MAPRE2: variants seen among roughly 807,000 people sequenced by gnomAD.
MAPRE2 encodes microtubule associated protein RP/EB family member 2, also known as microtubule-associated protein RP/EB family member 2.
MAPRE2 carries 13 observed loss-of-function variants against 43.2 expected under a neutral mutation model. That is an observed-to-expected ratio of 0.30 (90% CI 0.20 to 0.48). MAPRE2 has a LOEUF of 0.48. Among genes scored for constraint, MAPRE2 ranks in the 20% least tolerant of loss-of-function variants. The probability of loss-of-function intolerance (pLI) is 0.99; values close to 1 mark genes in which losing one functional copy is unlikely to be tolerated. For missense variants in MAPRE2, 161 were observed against 400.2 expected (o/e 0.40, Z 5.10); for synonymous variants, 135 against 148.8 (o/e 0.91, Z 0.68).
In MAPRE2 at chr18:35,097,505, G is replaced by A; in HGVS notation, c.310G>A (p.Val104Ile). ...CCCTGGCTGCATTAGTTTGAAGAAA[G>A]TAAAATTTCAAGCAAAGCTGGAACA... ...LFPGCISLKK[V>I]KFQAKLEHEY... Residue 104 changes from valine to isoleucine, a missense_variant, in exon 3 of 7, where the codon GTA becomes ATA. Physicochemically the swap from Val to Ile is conservative, Grantham distance 29. Coordinates refer to ENST00000300249, the MANE Select transcript of MAPRE2 (RefSeq NM_014268.4). 6.2e-7 allele frequency: 1 copy of A among 1,613,898 alleles called. No homozygotes were observed. Among genetic ancestry groups the A allele is most frequent in the Middle Eastern group, 1.7e-4 (1 of 6,058 alleles).
chr18:35,093,921 A>G (rs1198042106), intron 2 of MAPRE2, among the ~76,000 whole-genome samples: 1 of 152,224 alleles, frequency 6.6e-6, no homozygotes, highest in Non-Finnish European at 1.5e-5. Context: ...CTCAAATCCC[A>G]GGAGTGTACC....
At chr18:35,026,760 T>C (rs1449561164) in intron 2 of MAPRE2, among the ~76,000 whole-genome samples, 1 of 152,040 alleles carries the variant, frequency 6.6e-6, no homozygotes, top group Non-Finnish European at 1.5e-5. Context: ...ATCCCTCAGT[T>C]TCCAGATATA....
intron 1 of MAPRE2, among the ~76,000 whole-genome samples, chr18:34,980,031 CTTT>C (rs796434537): frequency 0.011 from 491 of 45,936 alleles, no homozygotes; most frequent in African/African-American, 0.03. Flanking sequence ...TTCTTTTTTT[CTTT>C]TTTTTTTTTT....
At chr18:35,010,650 G>C (rs2097034114) in intron 2 of MAPRE2, among the ~76,000 whole-genome samples, 1 of 152,158 alleles carries the variant, frequency 6.6e-6, no homozygotes, top group Admixed American at 6.5e-5. Flanking sequence ...TTTATAAACT[G>C]TGGTGCAGAG....
chr18:35,111,216 C>A (rs1410434565), intron 4 of MAPRE2, among the ~76,000 whole-genome samples: 1 of 152,150 alleles, frequency 6.6e-6, no homozygotes, highest in African/African-American at 2.4e-5. Flanking sequence ...CTGTCATCTT[C>A]ATTCTACTGT....
chr18:34,980,322 C>A (rs1025813390), intron 1 of MAPRE2, among the ~76,000 whole-genome samples: 19 of 152,168 alleles, frequency 1.2e-4, no homozygotes, highest in Middle Eastern at 3.4e-3. Flanking sequence ...ACCACACCAG[C>A]CCTCAATTTC....
chr18:35,118,680 GATCATGTCACTCTGTT>G (rs1257811200), intron 4 of MAPRE2, among the ~76,000 whole-genome samples: 1 of 152,142 alleles, frequency 6.6e-6, no homozygotes, highest in African/African-American at 2.4e-5. Context: ...AGCAAAGCTA[GATCATGTCACTCTGTT>G]CAGGATCCTG....
chr18:35,112,371 A>G (rs1434350019), intron 4 of MAPRE2, among the ~76,000 whole-genome samples: 1 of 152,062 alleles, frequency 6.6e-6, no homozygotes, highest in African/African-American at 2.4e-5. Context: ...GGGTTTCTCC[A>G]TGTTGGTCAG....
chr18:35,049,070 GA>G lies in MAPRE2; in HGVS notation c.122+7410del, dbSNP rs567827498. Among the ~76,000 whole-genome samples the G allele has an allele frequency of 2.6e-3, 397 of 152,152 alleles. 1 individual carries two copies. Among genetic ancestry groups the G allele is most frequent in the Middle Eastern group, 6.8e-3 (2 of 294 alleles). ...TGTTTTTGTTTTGTTTTGCTTTAAAGACATTAATTTTTTGTTCTTTATTTAG... is the reference window on the plus strand; with the variant it reads ...TGTTTTTGTTTTGTTTTGCTTTAAAGCATTAATTTTTTGTTCTTTATTTAG... On this transcript the variant is annotated intron_variant, in intron 1 of 6. Coordinates refer to ENST00000300249, the MANE Select transcript of MAPRE2 (RefSeq NM_014268.4).
At chr18:35,086,524 C>T (rs1285818563) in intron 2 of MAPRE2, among the ~76,000 whole-genome samples, 2 of 151,868 alleles carry the variant, frequency 1.3e-5, no homozygotes, top group African/African-American at 4.8e-5. Context: ...TTTATATGTT[C>T]TCTTGCATTT....
Position 35,082,146 on chromosome 18 carries a change from C to T in MAPRE2, c.250+11824C>T, listed in dbSNP as rs1360172317. 2 of 113,604 alleles carry T rather than the reference C, an allele frequency of 1.8e-5. 1 individual carries two copies. The highest frequency in any genetic ancestry group is 5.9e-4 in the South Asian group (2 of 3,410). The allele number at this position is 113,604 out of a possible 1,614,324, so 7.0% of individuals were successfully genotyped here. On this transcript the variant is annotated intron_variant, in intron 2 of 6. Coordinates refer to ENST00000300249, the MANE Select transcript of MAPRE2 (RefSeq NM_014268.4). The stretch of plus-strand genomic sequence containing the variant: ...TCTACTAAAAATACAAAAAATTAGC[C>T]GGGCGTAGTGGCGGGCGCCTGTAGT...
At chr18:34,990,182 GTTAGAGGGTCCCCT>G (rs2097023055) in intron 1 of MAPRE2, among the ~76,000 whole-genome samples, 1 of 152,190 alleles carries the variant, frequency 6.6e-6, no homozygotes, top group Non-Finnish European at 1.5e-5. Context: ...ACTACAGTTT[GTTAGAGGGTCCCCT>G]TTCGTTGCAG....
intron 2 of MAPRE2, among the ~76,000 whole-genome samples, chr18:35,025,772 A>C (rs998539666): frequency 1.3e-5 from 2 of 152,186 alleles, no homozygotes; most frequent in Non-Finnish European, 2.9e-5. Flanking sequence ...GTAGTAATAG[A>C]TTCTTCCAAG....
rs576159635 is a variant in MAPRE2 at position 35,028,970 on chromosome 18, T to A, written c.-8+23417T>A. Among the ~76,000 whole-genome samples the A allele has an allele frequency of 2.1e-3, 323 of 152,328 alleles. 2 individuals carry two copies. Among genetic ancestry groups the A allele is most frequent in the African/African-American group, 7.4e-3 (306 of 41,586 alleles). On this transcript the variant is annotated intron_variant, in intron 2 of 7. Coordinates refer to the MAPRE2 transcript ENST00000413393. ...TTTTCCTAGGGGGCTGATTCCTTTATGTAGAAGTTAAATGGAGGCTTCTTA... is the reference window on the plus strand; with the variant it reads ...TTTTCCTAGGGGGCTGATTCCTTTAAGTAGAAGTTAAATGGAGGCTTCTTA...
intron 1 of MAPRE2, chr18:34,988,993 C>T (rs1401338079): frequency 6.6e-6 from 1 of 152,038 alleles, no homozygotes; most frequent in Admixed American, 6.6e-5. Flanking sequence ...ATCATACAAC[C>T]CCAAATTGGA....
chr18:35,104,823 C>T (rs745328201), intron 4 of MAPRE2, among the ~76,000 whole-genome samples: 1 of 151,902 alleles, frequency 6.6e-6, no homozygotes, highest in African/African-American at 2.4e-5. Context: ...GGAGGTATGT[C>T]GGGTGGGAGG....
intron 1 of MAPRE2, among the ~76,000 whole-genome samples, chr18:35,067,713 C>T (rs1025173152): frequency 6.6e-6 from 1 of 152,060 alleles, no homozygotes; most frequent in African/African-American, 2.4e-5. Context: ...AAGAAGAAAC[C>T]GCTAGAAAAG....
chr18:35,090,652 A>C (rs1908099436), intron 2 of MAPRE2, among the ~76,000 whole-genome samples: 1 of 151,478 alleles, frequency 6.6e-6, no homozygotes, highest in African/African-American at 2.4e-5. Context: ...GAATCGCTTC[A>C]GCTTGGGAGG....
At chr18:35,067,945 G>A (rs1906915790) in intron 1 of MAPRE2, among the ~76,000 whole-genome samples, 1 of 152,182 alleles carries the variant, frequency 6.6e-6, no homozygotes, top group African/African-American at 2.4e-5. Flanking sequence ...CAATAATGGT[G>A]TACAAAGCAG....
Sources: allele counts gnomAD v4.1 joint callset (sites outside exome capture counted in the v4.1 genomes callset), GRCh38; gene constraint gnomAD v4.1.1; transcripts MANE v1.5; gene names NCBI Gene and HGNC (gene_info 2026-07-23, HGNC 2026-07-21).